NBPF19: variants seen among roughly 807,000 people sequenced by gnomAD.
NBPF19 encodes the protein NBPF family member NBPF19.
A neutral mutation model predicts 45.9 loss-of-function variants in NBPF19; 30 were observed. The observed-to-expected ratio is 0.65, with a 90% CI of 0.49 to 0.89. The LOEUF is 0.89. Among genes scored for constraint, NBPF19 ranks in the 40% least tolerant of loss-of-function variants. The pLI is 0.00. For synonymous variants in NBPF19, 183 were observed against 181.2 expected, an observed-to-expected ratio of 1.01 and a Z score of -0.08; for missense variants, 495 against 471.8, an observed-to-expected ratio of 1.05 and a Z score of -0.46.
At position 149,554,636 on chromosome 1, in the gene NBPF19, A is replaced by G. The variant is rs2087199977; in HGVS notation, c.11430A>G (p.Glu3810=). The stretch of plus-strand genomic sequence containing the variant: ...GAAGTGTGTTTTACTCATTTGAGGA[A>G]GAGCATATCAGCTTCGCCCTTTACT... ...HYRSVFYSFE[E]EHISFALYLD... Residue 3810 remains glutamate (E), a synonymous_variant, in exon 94 of 94, where the codon GAA becomes GAG. Coordinates refer to ENST00000651566, the MANE Select transcript of NBPF19 (RefSeq NM_001351365.2). 8 of 1,608,248 alleles carry G rather than the reference A, an allele frequency of 5.0e-6. No homozygotes were observed. The highest frequency in any genetic ancestry group is 1.3e-5 in the African/African-American group (1 of 74,680).
At chr1:149,554,413 T>A in intron 93 of NBPF19, 82 bp from the exon 94 acceptor site, 2 of 1,607,342 alleles carry the variant, frequency 1.2e-6, no homozygotes, top group South Asian at 2.2e-5. Flanking sequence ...AACCACTTCC[T>A]TATGTGACTT....
rs2087208689 is a variant in NBPF19 at position 149,554,843 on chromosome 1, T to C, written c.*105T>C. On this transcript the variant is annotated 3_prime_UTR_variant, in exon 94 of 94. Coordinates refer to ENST00000651566, the MANE Select transcript of NBPF19 (RefSeq NM_001351365.2). The stretch of plus-strand genomic sequence containing the variant: ...TCCATTTGGAAGCCCAGACATAGGA[T>C]GGGTCAGTGGGCATGGCTCTTTTCC... 1 of 1,564,642 alleles carries C rather than the reference T, an allele frequency of 6.4e-7. No individual in the cohort carries two copies. The highest frequency in any genetic ancestry group is 8.7e-7 in the Non-Finnish European group (1 of 1,148,580).
chr1:149,528,702 A>G (rs1414464335), intron 61 of NBPF19, among the ~76,000 whole-genome samples, 155 bp downstream of exon 61: 10 of 105,636 alleles, frequency 9.5e-5, no homozygotes, highest in African/African-American at 3.9e-4. Context: ...TGCAGTAGAT[A>G]TTTAGGTTTC....
At position 149,486,996 on chromosome 1, in the gene NBPF19, G is replaced by C. The variant is rs1168952505; in HGVS notation, c.989-336G>C. Among the ~76,000 whole-genome samples, 291 of 150,834 alleles carry C rather than the reference G, an allele frequency of 1.9e-3. 15 individuals are homozygous for C. The highest frequency in any genetic ancestry group is 3.4e-3 in the Non-Finnish European group (232 of 67,428). On this transcript the variant is annotated intron_variant, in intron 8 of 93. Transcript: ENST00000651566. ...CTATCAAATTCTGGGTATTTGATGA[G>C]AGAAAGCTTAATATTGAAGTATCTC...
chr1:149,488,374 G>C (rs1393459815), intron 10 of NBPF19, among the ~76,000 whole-genome samples, 189 bp downstream of exon 10: 1 of 142,512 alleles, frequency 7.0e-6, no homozygotes, highest in African/African-American at 2.6e-5. Context: ...CAGTGAGCAA[G>C]GCTCTCTTCC....
At chr1:149,477,884 G>T (rs1186637291) in intron 2 of NBPF19, 61 bp from the exon 3 acceptor site, 6 of 861,378 alleles carry the variant, frequency 7.0e-6, no homozygotes, top group African/African-American at 6.6e-5. Flanking sequence ...TGCCCTGTAG[G>T]CAGTGACCAC....
intron 7 of NBPF19, among the ~76,000 whole-genome samples, chr1:149,482,578 C>G (rs2085261172): frequency 6.6e-6 from 1 of 152,096 alleles, no homozygotes; most frequent in Admixed American, 6.5e-5. Context: ...CTTCTGCTAG[C>G]TTTTGAATTT....
At chr1:149,493,936 G>A (rs2085966863) in intron 17 of NBPF19, among the ~76,000 whole-genome samples, 1 of 46,218 alleles carries the variant, frequency 2.2e-5, no homozygotes, top group Non-Finnish European at 3.6e-5. Context: ...AAGGCTGTAT[G>A]GCAACTGCAT....
chr1:149,554,955 A>T lies in NBPF19; in HGVS notation c.*217A>T. The T allele has an allele frequency of 1.2e-6, 1 of 806,392 alleles. No homozygotes were observed. Among genetic ancestry groups the T allele is most frequent in the Non-Finnish European group, 1.9e-6 (1 of 513,868 alleles). The allele number at this position is 806,392 out of a possible 1,614,324, so 50.0% of individuals were successfully genotyped here. A position where few individuals can be genotyped will look rare whatever the true frequency, so the allele number is the denominator to read the frequency against. ...GTGTGACACGTTCACATAACTGTGC[A>T]GCACATGCCGGGAGTGATCAGTCGG... On this transcript the variant is annotated 3_prime_UTR_variant, in exon 94 of 94. Transcript: ENST00000651566.
intron 37 of NBPF19, among the ~76,000 whole-genome samples, chr1:149,509,957 C>CAT (rs1491258887): frequency 4.3e-5 from 2 of 46,112 alleles, no homozygotes; most frequent in African/African-American, 1.6e-4. Context: ...TGTGTGTGTG[C>CAT]GTGTGTGTGT....
chr1:149,477,954 A>C lies in NBPF19; in HGVS notation c.185A>C (p.Glu62Ala). 7.3e-7 allele frequency: 1 copy of C among 1,365,016 alleles called. No homozygotes were observed. Among genetic ancestry groups the C allele is most frequent in the Non-Finnish European group, 1.0e-6 (1 of 963,146 alleles). The allele number at this position is 1,365,016 out of a possible 1,614,324, so 84.6% of individuals were successfully genotyped here. Residue 62 changes from glutamate (E) to alanine (A), a missense_variant, in exon 3 of 94, where the codon GAG (glutamate) becomes GCG (alanine). Glu to Ala is a moderately radical substitution (Grantham distance 107). Coordinates refer to ENST00000651566, the MANE Select transcript of NBPF19 (RefSeq NM_001351365.2). The part of the protein sequence containing the change: ...ANRQKKYKYE[E>A]CKDLIKFMLR... ...GTCTGTCTTTTCTCAGAGTATGAAG[A>C]GTGTAAAGACCTCATAAAATTTATG...
In NBPF19 at chr1:149,554,725, T is replaced by C; in HGVS notation, c.11519T>C (p.Ile3840Thr). ...CATCTGGTGTTCCAGATGTTAGTCA[T>C]ATTCCCACAATAGGCAGCCCTTACT... The part of the protein sequence containing the change: ...SLHLVFQMLV[I>T]FPQ Residue 3840 changes from isoleucine to threonine, a missense_variant, in exon 94 of 94, where the codon ATA becomes ACA. Ile to Thr is a moderately conservative substitution (Grantham distance 89, BLOSUM62 -1). Coordinates refer to ENST00000651566, the MANE Select transcript of NBPF19 (RefSeq NM_001351365.2). The C allele has an allele frequency of 6.2e-7, 1 of 1,608,246 alleles. No homozygotes were observed. The highest frequency in any genetic ancestry group is 1.1e-5 in the South Asian group (1 of 90,890).
At position 149,554,610 on chromosome 1, in the gene NBPF19, A is replaced by G; in HGVS notation, c.11404A>G (p.Arg3802Gly). Reference sequence around the variant, plus strand: ...ACTACCTGACTCATTCCAGCACTACAGAAGTGTGTTTTACTCATTTGAGGA... The same window carrying G: ...ACTACCTGACTCATTCCAGCACTACGGAAGTGTGTTTTACTCATTTGAGGA... Reference protein sequence around the residue: ...FELPDSFQHYRSVFYSFEEEH... With the variant: ...FELPDSFQHYGSVFYSFEEEH... Residue 3802 changes from arginine (R) to glycine (G), a missense_variant, in exon 94 of 94, where the codon AGA becomes GGA. Coordinates refer to ENST00000651566, the MANE Select transcript of NBPF19 (RefSeq NM_001351365.2). 3.7e-6 allele frequency: 6 copies of G among 1,608,280 alleles called. No individual in the cohort carries two copies. Among genetic ancestry groups the G allele is most frequent in the Non-Finnish European group, 5.1e-6 (6 of 1,176,780 alleles).
chr1:149,488,096 G>A lies in NBPF19; in HGVS notation c.1124G>A (p.Cys375Tyr), dbSNP rs1161075060. Residue 375 changes from cysteine to tyrosine, a missense_variant, in exon 10 of 94, where the codon TGT becomes TAT. Cys to Tyr is a radical substitution (Grantham distance 194, BLOSUM62 -2). Transcript: ENST00000651566. Reference sequence around the variant, plus strand: ...AGATGTTATTCAACTCCTTCAGGTTGTCTTGAACTGACTGACTCATGCCAG... The same window carrying A: ...AGATGTTATTCAACTCCTTCAGGTTATCTTGAACTGACTGACTCATGCCAG... ...LDRCYSTPSG[C>Y]LELTDSCQPY... 6.0e-6 allele frequency: 4 copies of A among 664,052 alleles called. No homozygotes were observed. Among genetic ancestry groups the A allele is most frequent in the East Asian group, 5.5e-5 (2 of 36,208 alleles). 41.1% of individuals were successfully genotyped at this position (664,052 alleles called of 1,614,324 possible).
chr1:149,528,875 A>G (rs1419696846), intron 61 of NBPF19, among the ~76,000 whole-genome samples: 1 of 122,248 alleles, frequency 8.2e-6, no homozygotes, highest in Non-Finnish European at 1.7e-5. Flanking sequence ...TGAGGGCACT[A>G]ACTCAGAGTG....
At chr1:149,487,775 CTG>C (rs1219803937) in intron 9 of NBPF19, among the ~76,000 whole-genome samples, 15,760 of 127,756 alleles carry the variant, frequency 0.12, 805 homozygotes, top group African/African-American at 0.13. Flanking sequence ...TGAGCTCGCT[CTG>C]TGTGTGTGTG....
chr1:149,478,076 G>C (rs1420369668), intron 3 of NBPF19, 29 bp downstream of exon 3: 1 of 1,546,050 alleles, frequency 6.5e-7, no homozygotes, highest in South Asian at 1.1e-5. Flanking sequence ...GGGAGGGCAG[G>C]CGGGTAGGTG....
In NBPF19 at chr1:149,478,913, A is replaced by G; in HGVS notation, c.312A>G (p.Arg104=). The G allele has an allele frequency of 6.2e-7, 1 of 1,606,386 alleles. No homozygotes were observed. The highest frequency in any genetic ancestry group is 8.5e-7 in the Non-Finnish European group (1 of 1,175,376). ...QYKVLFHSQE[R]ELTQLREKLR... ...AAGTCCTGTTTCACTCTCAGGAACG[A>G]GAGCTGACCCAGTTAAGGGAGAAGT... The change falls in exon 4 of 94, where the codon CGA becomes CGG. Residue 104 remains arginine, a synonymous_variant. Transcript: ENST00000651566.
chr1:149,488,097 T>A lies in NBPF19; in HGVS notation c.1125T>A (p.Cys375Ter). The A allele has an allele frequency of 1.5e-6, 1 of 665,170 alleles. No homozygotes were observed. The highest frequency in any genetic ancestry group is 2.7e-6 in the Non-Finnish European group (1 of 365,704). The allele number at this position is 665,170 out of a possible 1,614,324, so 41.2% of individuals were successfully genotyped here. The change falls in exon 10 of 94, where the codon TGT becomes TGA. Residue 375 changes from cysteine (C) to a stop codon, truncating the protein, a stop_gained. Transcript: ENST00000651566. LOFTEE classifies it high-confidence loss of function. Reference protein sequence around the residue: ...LDRCYSTPSGCLELTDSCQPY... With the variant: ...LDRCYSTPSG ...GATGTTATTCAACTCCTTCAGGTTGTCTTGAACTGACTGACTCATGCCAGC... is the reference window on the plus strand; with the variant it reads ...GATGTTATTCAACTCCTTCAGGTTGACTTGAACTGACTGACTCATGCCAGC...
Sources: gnomAD v4.1 joint callset for allele counts (sites outside exome capture counted in the v4.1 genomes callset) on GRCh38, gnomAD v4.1.1 for gene constraint, MANE v1.5 for transcripts, NCBI Gene and HGNC (gene_info 2026-07-23, HGNC 2026-07-21) for gene names.